Variants in NAT14 observed in about 807,000 individuals in gnomAD.
The protein encoded by NAT14 is probable N-acetyltransferase 14.
Under a neutral mutation model 12.1 loss-of-function variants are expected in NAT14, and 14 were observed. That is an observed-to-expected ratio of 1.16 (90% CI 0.76 to 1.81). NAT14 has a LOEUF of 1.81. Ranked by LOEUF, NAT14 falls within the 40% of genes most tolerant of loss-of-function variation. The probability of loss-of-function intolerance (pLI) is 0.00; values close to 1 mark genes in which losing one functional copy is unlikely to be tolerated. For missense variants in NAT14, 341 were observed against 304.3 expected, an observed-to-expected ratio of 1.12 and a Z score of -0.90; for synonymous variants, 156 against 145.1, an observed-to-expected ratio of 1.08 and a Z score of -0.54.
chr19:55,486,633 G>A lies in NAT14; in HGVS notation c.298G>A (p.Ala100Thr). 6.6e-7 allele frequency: 1 copy of A among 1,520,196 alleles called. No homozygotes were observed. Among genetic ancestry groups the A allele is most frequent in the Non-Finnish European group, 8.7e-7 (1 of 1,144,698 alleles). The allele number at this position is 1,520,196 out of a possible 1,614,324, so 94.2% of individuals were successfully genotyped here. The part of the protein sequence containing the change: ...PPGGLGGPWV[A>T]VRGSGDVCGV... ...GGGTGGCCTGGGGGGCCCCTGGGTG[G>A]CCGTGCGGGGCTCCGGTGACGTGTG... Residue 100 changes from alanine (A) to threonine (T), a missense_variant, in exon 3 of 3, where the codon GCC becomes ACC. Ala to Thr is a moderately conservative substitution (Grantham distance 58, BLOSUM62 0). Coordinates refer to ENST00000205194, the MANE Select transcript of NAT14 (RefSeq NM_020378.4).
chr19:55,486,292 G>A, intron 2 of NAT14, 116 bp from the exon 3 acceptor site: 1 of 1,337,634 alleles, frequency 7.5e-7, no homozygotes, highest in South Asian at 1.7e-5. Context: ...ATCGGACTGT[G>A]CTGCCTTCCC....
In NAT14 at chr19:55,487,106, C is replaced by T. The variant is rs1178929586; in HGVS notation, c.*150C>T. ...AACAGAGGCCTGCCGAGGGGAGGAGCCTGGCCTCTGTCCACCCGTCAGCAG... is the reference window on the plus strand; with the variant it reads ...AACAGAGGCCTGCCGAGGGGAGGAGTCTGGCCTCTGTCCACCCGTCAGCAG... On this transcript the variant is annotated 3_prime_UTR_variant, in exon 3 of 3. Transcript: ENST00000205194. 1.6e-6 allele frequency: 2 copies of T among 1,238,056 alleles called. No individual in the cohort carries two copies. Among genetic ancestry groups the T allele is most frequent in the Non-Finnish European group, 2.1e-6 (2 of 932,140 alleles). The allele number at this position is 1,238,056 out of a possible 1,614,324, so 76.7% of individuals were successfully genotyped here. A position where few individuals can be genotyped will look rare whatever the true frequency, so the allele number is the denominator to read the frequency against.
In NAT14 at chr19:55,487,337, G is replaced by C; in HGVS notation, c.*381G>C. 2.3e-6 allele frequency: 1 copy of C among 429,476 alleles called. No homozygotes were observed. Among genetic ancestry groups the C allele is most frequent in the East Asian group, 3.5e-5 (1 of 28,308 alleles). 26.6% of individuals were successfully genotyped at this position (429,476 alleles called of 1,614,324 possible). A position where few individuals can be genotyped will look rare whatever the true frequency, so the allele number is the denominator to read the frequency against. ...TCTGGGGAGGGGGAGAGGAGGCCGA[G>C]CAGAATACACCCCAGAGTTAGGGTT... On this transcript the variant is annotated 3_prime_UTR_variant, in exon 3 of 3. Coordinates refer to ENST00000205194, the MANE Select transcript of NAT14 (RefSeq NM_020378.4).
rs1261839243 is a variant in NAT14, at chr19:55,487,334, C to A, written c.*378C>A. On this transcript the variant is annotated 3_prime_UTR_variant, in exon 3 of 3. Coordinates refer to ENST00000205194, the MANE Select transcript of NAT14 (RefSeq NM_020378.4). The stretch of plus-strand genomic sequence containing the variant: ...CTATCTGGGGAGGGGGAGAGGAGGC[C>A]GAGCAGAATACACCCCAGAGTTAGG... The A allele has an allele frequency of 7.0e-6, 3 of 427,418 alleles. No homozygotes were observed. 26.5% of individuals were successfully genotyped at this position (427,418 alleles called of 1,614,324 possible). A position where few individuals can be genotyped will look rare whatever the true frequency, so the allele number is the denominator to read the frequency against.
At position 55,486,483 on chromosome 19, in the gene NAT14, G is replaced by A; in HGVS notation, c.148G>A (p.Ala50Thr). The change falls in exon 3 of 3, where the codon GCG (alanine) becomes ACG (threonine). Residue 50 changes from alanine to threonine, a missense_variant. Transcript: ENST00000205194. ...GCCGCCGGCCCTGCTCCTCCTGGCG[G>A]CGGCCAGCAGCGGCCTGCGCTTTGT... ...TRPPALLLLAAASSGLRFVLA... is the reference protein window; with the variant it reads ...TRPPALLLLATASSGLRFVLA... 2 of 1,559,768 alleles carry A rather than the reference G, an allele frequency of 1.3e-6. No individual in the cohort carries two copies. Among genetic ancestry groups the A allele is most frequent in the South Asian group, 1.2e-5 (1 of 85,464 alleles).
At chr19:55,485,586 C>A in intron 1 of NAT14, 75 bp from the exon 2 acceptor site, 1 of 784,300 alleles carries the variant, frequency 1.3e-6, no homozygotes, top group Non-Finnish European at 2.1e-6. Flanking sequence ...AGTGCCGTTG[C>A]TGCTCCCTAC....
In NAT14 at chr19:55,487,290, G is replaced by A. The variant is rs1482090002; in HGVS notation, c.*334G>A. 3 of 439,736 alleles carry A rather than the reference G, an allele frequency of 6.8e-6. No individual in the cohort carries two copies. The highest frequency in any genetic ancestry group is 6.6e-5 in the South Asian group (1 of 15,090). The allele number at this position is 439,736 out of a possible 1,614,324, so 27.2% of individuals were successfully genotyped here. On this transcript the variant is annotated 3_prime_UTR_variant, in exon 3 of 3. Transcript: ENST00000205194. Reference sequence around the variant, plus strand: ...GATGTCTGCAAAGTCTGTGCTGTCCGTGCCCCAGGCTGGGAGAGCTATCTG... The same window carrying A: ...GATGTCTGCAAAGTCTGTGCTGTCCATGCCCCAGGCTGGGAGAGCTATCTG...
Position 55,486,313 on chromosome 19 carries a change from G to A in NAT14, c.73-95G>A. 5 of 1,380,772 alleles carry A rather than the reference G, an allele frequency of 3.6e-6. No homozygotes were observed. In the East Asian group the frequency reaches 8.7e-5, roughly 24 times the overall value. 85.5% of individuals were successfully genotyped at this position (1,380,772 alleles called of 1,614,324 possible). On this transcript the variant is annotated intron_variant, in intron 2 of 2. Coordinates refer to ENST00000205194, the MANE Select transcript of NAT14 (RefSeq NM_020378.4). ...CTGTGCTGCCTTCCCTTCCCATTTG[G>A]GAGCTCTCACCCCGCCCCGGGCAGG...
chr19:55,485,903 C>G, intron 2 of NAT14, 123 bp downstream of exon 2: 1 of 794,150 alleles, frequency 1.3e-6, no homozygotes, highest in South Asian at 1.6e-5. Context: ...TCTTTTCCTC[C>G]TGAGCCTCAG....
rs78400453 is a variant in NAT14, at chr19:55,486,475, T to G, written c.140T>G (p.Leu47Arg). Residue 47 changes from leucine to arginine, a missense_variant, in exon 3 of 3, where the codon CTC (leucine) becomes CGC (arginine). By Grantham distance (102) the Leu-to-Arg change is moderately radical (BLOSUM62 -2). Transcript: ENST00000205194. ...HALTRPPALL[L>R]LAAASSGLRF... ...TTGACACGGCCGCCGGCCCTGCTCCTCCTGGCGGCGGCCAGCAGCGGCCTG... is the reference window on the plus strand; with the variant it reads ...TTGACACGGCCGCCGGCCCTGCTCCGCCTGGCGGCGGCCAGCAGCGGCCTG... 9 of 1,558,528 alleles carry G rather than the reference T, an allele frequency of 5.8e-6. No homozygotes were observed. Among genetic ancestry groups the G allele is most frequent in the African/African-American group, 2.8e-5 (2 of 71,606 alleles).
chr19:55,486,469 T>C lies in NAT14; in HGVS notation c.134T>C (p.Leu45Pro). 1 of 1,555,284 alleles carries C rather than the reference T, an allele frequency of 6.4e-7. No individual in the cohort carries two copies. The highest frequency in any genetic ancestry group is 8.6e-7 in the Non-Finnish European group (1 of 1,159,438). ...ALHALTRPPALLLLAAASSGL... is the reference protein window; with the variant it reads ...ALHALTRPPAPLLLAAASSGL... The stretch of plus-strand genomic sequence containing the variant: ...CATGCCTTGACACGGCCGCCGGCCC[T>C]GCTCCTCCTGGCGGCGGCCAGCAGC... The change falls in exon 3 of 3, where the codon CTG becomes CCG. Residue 45 changes from leucine (L) to proline (P), a missense_variant. Transcript: ENST00000205194.
At position 55,486,550 on chromosome 19, in the gene NAT14, T is replaced by C. The variant is rs763876641; in HGVS notation, c.215T>C (p.Leu72Pro). ...FALALLLPVF[L>P]AVAAVKLGLR... is the part of the protein sequence containing the mutation. ...CTGGCCCTCCTCCTGCCGGTGTTCC[T>C]GGCTGTGGCCGCCGTGAAGCTGGGC... The change falls in exon 3 of 3, where the codon CTG (leucine) becomes CCG (proline). Residue 72 changes from leucine to proline, a missense_variant. Coordinates refer to ENST00000205194, the MANE Select transcript of NAT14 (RefSeq NM_020378.4). 6 of 1,588,366 alleles carry C rather than the reference T, an allele frequency of 3.8e-6. No homozygotes were observed. The highest frequency in any genetic ancestry group is 5.1e-6 in the Non-Finnish European group (6 of 1,175,018).
In NAT14 at chr19:55,486,810, G is replaced by A. The variant is rs1334329852; in HGVS notation, c.475G>A (p.Gly159Arg). The A allele has an allele frequency of 2.7e-6, 4 of 1,495,398 alleles. No individual in the cohort carries two copies. The East Asian group carries it at 1.0e-4, about 38-fold the overall frequency. 92.6% of individuals were successfully genotyped at this position (1,495,398 alleles called of 1,614,324 possible). ...GGCTCGGGCCTGGGCTGGGGGCATGGGGGAGCCCCGGGCCCGGCTCGTGGT... is the reference window on the plus strand; with the variant it reads ...GGCTCGGGCCTGGGCTGGGGGCATGAGGGAGCCCCGGGCCCGGCTCGTGGT... ...ARARAWAGGM[G>R]EPRARLVVPV... Residue 159 changes from glycine to arginine, a missense_variant, in exon 3 of 3, where the codon GGG (glycine) becomes AGG (arginine). Gly to Arg is a moderately radical substitution (Grantham distance 125, BLOSUM62 -2). Transcript: ENST00000205194.
chr19:55,486,363 A>T (rs985927435), intron 2 of NAT14, 45 bp from the exon 3 acceptor site: 13 of 1,401,152 alleles, frequency 9.3e-6, no homozygotes, highest in Non-Finnish European at 1.2e-5. Context: ...TTTGTCCAGG[A>T]GGCCCTAGCG....
chr19:55,485,476 C>G (rs1448192071), intron 1 of NAT14, among the ~76,000 whole-genome samples, 185 bp from the exon 2 acceptor site: 1 of 150,768 alleles, frequency 6.6e-6, no homozygotes, highest in African/African-American at 2.4e-5. Context: ...GGGGGGATCC[C>G]GGGAGACTTT....
Position 55,487,306 on chromosome 19 carries a change from G to C in NAT14, c.*350G>C. 1 of 433,750 alleles carries C rather than the reference G, an allele frequency of 2.3e-6. No homozygotes were observed. The highest frequency in any genetic ancestry group is 4.0e-6 in the Non-Finnish European group (1 of 248,014). 26.9% of individuals were successfully genotyped at this position (433,750 alleles called of 1,614,324 possible). ...GTGCTGTCCGTGCCCCAGGCTGGGAGAGCTATCTGGGGAGGGGGAGAGGAG... is the reference window on the plus strand; with the variant it reads ...GTGCTGTCCGTGCCCCAGGCTGGGACAGCTATCTGGGGAGGGGGAGAGGAG... On this transcript the variant is annotated 3_prime_UTR_variant, in exon 3 of 3. Coordinates refer to ENST00000205194, the MANE Select transcript of NAT14 (RefSeq NM_020378.4).
Position 55,486,688 on chromosome 19 carries a change from A to G in NAT14, c.353A>G (p.Asn118Ser). ...GTCCTGGCTCTGGCCCCTGGCACAA[A>G]TGCAGGGGACGGGGCCCGGGTCACC... Reference protein sequence around the residue: ...CGVLALAPGTNAGDGARVTRL... With the variant: ...CGVLALAPGTSAGDGARVTRL... The change falls in exon 3 of 3, where the codon AAT becomes AGT. Residue 118 changes from asparagine to serine, a missense_variant. Coordinates refer to ENST00000205194, the MANE Select transcript of NAT14 (RefSeq NM_020378.4). 1 of 1,435,332 alleles carries G rather than the reference A, an allele frequency of 7.0e-7. No individual in the cohort carries two copies. Among genetic ancestry groups the G allele is most frequent in the South Asian group, 1.5e-5 (1 of 68,022 alleles). The allele number at this position is 1,435,332 out of a possible 1,614,324, so 88.9% of individuals were successfully genotyped here. A position where few individuals can be genotyped will look rare whatever the true frequency, so the allele number is the denominator to read the frequency against.
rs765174322 is a variant in NAT14 at position 55,486,472 on chromosome 19, T to C, written c.137T>C (p.Leu46Pro). ...LHALTRPPAL[L>P]LLAAASSGLR... ...GCCTTGACACGGCCGCCGGCCCTGCTCCTCCTGGCGGCGGCCAGCAGCGGC... is the reference window on the plus strand; with the variant it reads ...GCCTTGACACGGCCGCCGGCCCTGCCCCTCCTGGCGGCGGCCAGCAGCGGC... Residue 46 changes from leucine (L) to proline (P), a missense_variant, in exon 3 of 3, where the codon CTC becomes CCC. Coordinates refer to ENST00000205194, the MANE Select transcript of NAT14 (RefSeq NM_020378.4). 3.9e-6 allele frequency: 6 copies of C among 1,556,730 alleles called. No homozygotes were observed. The South Asian group carries it at 7.1e-5, about 18-fold the overall frequency.
intron 2 of NAT14, 72 bp downstream of exon 2, chr19:55,485,852 C>T: frequency 2.5e-6 from 3 of 1,194,760 alleles, no homozygotes; most frequent in South Asian, 1.3e-5. Flanking sequence ...TCAGCCACCC[C>T]CTCCCACCCA....
Sources: gnomAD v4.1 joint callset for allele counts (sites outside exome capture counted in the v4.1 genomes callset) on GRCh38, gnomAD v4.1.1 for gene constraint, MANE v1.5 for transcripts, NCBI Gene and HGNC (gene_info 2026-07-23, HGNC 2026-07-21) for gene names.